HS3ST5: variants seen among roughly 807,000 people sequenced by gnomAD.
The protein encoded by HS3ST5 is heparan sulfate-glucosamine 3-sulfotransferase 5.
Under a neutral mutation model 25.4 loss-of-function variants are expected in HS3ST5, and 10 were observed. The observed-to-expected ratio is 0.39, with a 90% CI of 0.24 to 0.67. The LOEUF is 0.67. Ranked by LOEUF, HS3ST5 falls within the 30% of genes least tolerant of loss-of-function variation. HS3ST5 has a pLI of 0.44. For missense variants in HS3ST5, 324 were observed against 420.7 expected (o/e 0.77, Z 2.01); for synonymous variants, 170 against 162.4 (o/e 1.05, Z -0.36).
At chr6:114,153,333 A>G (rs184045127) in intron 3 of HS3ST5, among the ~76,000 whole-genome samples, 288 of 152,324 alleles carry the variant, frequency 1.9e-3, no homozygotes, top group Admixed American at 3.7e-3. Context: ...TCCCCATTAA[A>G]TAACAATAGG....
intron 3 of HS3ST5, among the ~76,000 whole-genome samples, chr6:114,149,564 C>T (rs1006684493): frequency 3.9e-5 from 6 of 151,984 alleles, no homozygotes; most frequent in African/African-American, 1.5e-4. Flanking sequence ...GGGAACATCA[C>T]ACACTGGGGC....
In HS3ST5 at chr6:114,228,282, C is replaced by G. The variant is rs1267650640; in HGVS notation, c.-145+303G>C. Reference sequence around the variant, plus strand: ...TCCCTCCTCCCAATTTCATGTGACTCCTATGCACATTAAACTTTGAGAACC... The same window carrying G: ...TCCCTCCTCCCAATTTCATGTGACTGCTATGCACATTAAACTTTGAGAACC... On this transcript the variant is annotated intron_variant, in intron 2 of 4. Coordinates refer to ENST00000312719, the MANE Select transcript of HS3ST5 (RefSeq NM_153612.4). Among the ~76,000 whole-genome samples, 3 of 152,082 alleles carry G rather than the reference C, an allele frequency of 2.0e-5. No homozygotes were observed. In the South Asian group the frequency reaches 6.2e-4, roughly 32 times the overall value.
intron 1 of HS3ST5, among the ~76,000 whole-genome samples, chr6:114,232,894 G>C (rs1057062691): frequency 1.3e-5 from 2 of 151,834 alleles, no homozygotes; most frequent in African/African-American, 2.4e-5. Flanking sequence ...TCTATCTAGA[G>C]TGATCTTTTA....
At chr6:114,089,377 T>C (rs1180922931) in intron 3 of HS3ST5, among the ~76,000 whole-genome samples, 1 of 152,230 alleles carries the variant, frequency 6.6e-6, no homozygotes, top group Non-Finnish European at 1.5e-5. Context: ...CATTTTTCTG[T>C]GCAGAAAAGA....
At chr6:114,317,723 A>T (rs1231383515) in intron 1 of HS3ST5, among the ~76,000 whole-genome samples, 1 of 147,866 alleles carries the variant, frequency 6.8e-6, no homozygotes, top group Non-Finnish European at 1.5e-5. Context: ...TGACACCAAC[A>T]TCAGGTAAAC....
At chr6:114,301,869 G>C (rs1775088600) in intron 1 of HS3ST5, among the ~76,000 whole-genome samples, 1 of 152,146 alleles carries the variant, frequency 6.6e-6, no homozygotes, top group Non-Finnish European at 1.5e-5. Flanking sequence ...GCCAAATTTA[G>C]AGGAATGGAA....
At position 114,148,898 on chromosome 6, in the gene HS3ST5, CA is replaced by C. The variant is rs552304105; in HGVS notation, c.-33+19452del. 4.1e-4 allele frequency among the ~76,000 whole-genome samples: 63 copies of C among 152,134 alleles called. 1 individual carries two copies. In the South Asian group the frequency reaches 0.013, roughly 32 times the overall value. On this transcript the variant is annotated intron_variant, in intron 3 of 4. Coordinates refer to ENST00000312719, the MANE Select transcript of HS3ST5 (RefSeq NM_153612.4). ...GAACTTAAAAAATTTACAAGAAAAA[CA>C]ACCCCATCAAAAAGTGGGCAAAGGA... is the stretch of plus-strand genomic sequence containing the variant.
At chr6:114,331,213 A>G (rs1376751167) in intron 1 of HS3ST5, among the ~76,000 whole-genome samples, 1 of 152,232 alleles carries the variant, frequency 6.6e-6, no homozygotes, top group African/African-American at 2.4e-5. Flanking sequence ...ATTATTGGTA[A>G]TCAGAAAGCT....
At chr6:114,317,822 C>A (rs1021351448) in intron 1 of HS3ST5, among the ~76,000 whole-genome samples, 1 of 120,584 alleles carries the variant, frequency 8.3e-6, no homozygotes, top group African/African-American at 3.2e-5. Context: ...GGCTGGAGGG[C>A]GGGAAAAAGT....
intron 3 of HS3ST5, among the ~76,000 whole-genome samples, chr6:114,119,282 G>T (rs1219550577): frequency 6.6e-6 from 1 of 152,206 alleles, no homozygotes. Context: ...ACACTGGCAT[G>T]GTGGTTGGAC....
At chr6:114,301,749 G>A (rs1422765709) in intron 1 of HS3ST5, among the ~76,000 whole-genome samples, 2 of 152,072 alleles carry the variant, frequency 1.3e-5, no homozygotes, top group East Asian at 3.9e-4. Flanking sequence ...ATATGGCTGA[G>A]CCCTCAGCTG....
intron 3 of HS3ST5, among the ~76,000 whole-genome samples, chr6:114,137,947 A>G (rs1375921939): frequency 6.6e-6 from 1 of 152,170 alleles, no homozygotes; most frequent in Non-Finnish European, 1.5e-5. Context: ...AGTATAATAA[A>G]AAGAGCTACC....
At chr6:114,231,134 C>G (rs968339070) in intron 1 of HS3ST5, among the ~76,000 whole-genome samples, 1 of 152,050 alleles carries the variant, frequency 6.6e-6, no homozygotes, top group Non-Finnish European at 1.5e-5. Flanking sequence ...TGATAGTTCT[C>G]ATGAGGTATG....
intron 1 of HS3ST5, among the ~76,000 whole-genome samples, chr6:114,299,867 G>T (rs1456955150): frequency 6.6e-6 from 1 of 152,158 alleles, no homozygotes; most frequent in Non-Finnish European, 1.5e-5. Context: ...TAAGTTTTGT[G>T]TTCTTATCTG....
At chr6:114,264,648 T>G (rs1773326194) in intron 1 of HS3ST5, among the ~76,000 whole-genome samples, 1 of 152,196 alleles carries the variant, frequency 6.6e-6, no homozygotes, top group Non-Finnish European at 1.5e-5. Flanking sequence ...GTTTTTCATG[T>G]TCATTCCATT....
intron 2 of HS3ST5, among the ~76,000 whole-genome samples, chr6:114,212,351 G>A (rs891018906): frequency 6.6e-6 from 1 of 152,206 alleles, no homozygotes; most frequent in African/African-American, 2.4e-5. Context: ...GATACATGGT[G>A]ATGTTGATGT....
intron 1 of HS3ST5, among the ~76,000 whole-genome samples, chr6:114,256,058 T>C (rs1273737361): frequency 9.2e-5 from 14 of 152,196 alleles, no homozygotes; most frequent in Non-Finnish European, 1.9e-4. Context: ...TCTGTTTCCC[T>C]TTTAAAACTG....
intron 3 of HS3ST5, among the ~76,000 whole-genome samples, chr6:114,118,171 C>T (rs1359983301): frequency 6.6e-6 from 1 of 152,110 alleles, no homozygotes; most frequent in Non-Finnish European, 1.5e-5. Flanking sequence ...TTTACCAGTC[C>T]TCAAGGCAGA....
chr6:114,245,274 C>T (rs1022381868), intron 1 of HS3ST5, among the ~76,000 whole-genome samples: 13 of 152,000 alleles, frequency 8.6e-5, no homozygotes, highest in Non-Finnish European at 2.9e-5. Context: ...TGGAAAGTCC[C>T]CATACAGCAT....
Sources: allele counts gnomAD v4.1 joint callset (sites outside exome capture counted in the v4.1 genomes callset), GRCh38; gene constraint gnomAD v4.1.1; transcripts MANE v1.5; gene names NCBI Gene and HGNC (gene_info 2026-07-23, HGNC 2026-07-21).